BSN: variants seen among roughly 807,000 people sequenced by gnomAD.
The protein encoded by BSN is protein bassoon.
A neutral mutation model predicts 264.8 loss-of-function variants in BSN; 57 were observed. The observed-to-expected ratio is 0.22, with a 90% CI of 0.17 to 0.27. BSN has a LOEUF of 0.27. BSN is among the 10% of genes least tolerant of loss of function. BSN has a pLI of 1.00. For missense variants in BSN, 4,615 were observed against 5,232.5 expected, an observed-to-expected ratio of 0.88 and a Z score of 3.64; for synonymous variants, 2,059 against 2,137.3, an observed-to-expected ratio of 0.96 and a Z score of 1.01.
At chr3:49,589,553 C>G (rs2051961979) in intron 1 of BSN, among the ~76,000 whole-genome samples, 1 of 147,128 alleles carries the variant, frequency 6.8e-6, no homozygotes, top group Non-Finnish European at 1.5e-5. Context: ...GTCGCCCAGG[C>G]TGGAGTGCAG....
chr3:49,639,840 G>A (rs2052447028), intron 2 of BSN, among the ~76,000 whole-genome samples: 1 of 152,236 alleles, frequency 6.6e-6, no homozygotes, highest in African/African-American at 2.4e-5. Flanking sequence ...TCTCCTGTGA[G>A]GACAAAATGA....
rs1351626041 is a variant in BSN at position 49,662,834 on chromosome 3, C to G, written c.10718-42C>G. Reference sequence around the variant, plus strand: ...GCTTCAGCTAGGCCTCCCCCTGCGGCTAGCCCGGGGGTTGATGGTATTCTG... The same window carrying G: ...GCTTCAGCTAGGCCTCCCCCTGCGGGTAGCCCGGGGGTTGATGGTATTCTG... On this transcript the variant is annotated intron_variant, in intron 6 of 11. Transcript: ENST00000296452. 4.6e-6 allele frequency: 7 copies of G among 1,519,918 alleles called. No individual in the cohort carries two copies. The South Asian group carries it at 9.2e-5, about 20-fold the overall frequency. The allele number at this position is 1,519,918 out of a possible 1,614,324, so 94.2% of individuals were successfully genotyped here. A position where few individuals can be genotyped will look rare whatever the true frequency, so the allele number is the denominator to read the frequency against.
chr3:49,663,868 C>T lies in BSN; in HGVS notation c.11590C>T (p.Pro3864Ser). Reference sequence around the variant, plus strand: ...GAGGGCTCCTCAGGCCCAGCCAGCACCAGGACCTGGACCTGCAGGTGAGCC... The same window carrying T: ...GAGGGCTCCTCAGGCCCAGCCAGCATCAGGACCTGGACCTGCAGGTGAGCC... Reference protein sequence around the residue: ...QGRAPQAQPAPGPGPAGVKAG... With the variant: ...QGRAPQAQPASGPGPAGVKAG... Residue 3864 changes from proline to serine, a missense_variant, in exon 8 of 12, where the codon CCA (proline) becomes TCA (serine). Physicochemically the swap from Pro to Ser is moderately conservative, Grantham distance 74. Coordinates refer to ENST00000296452, the MANE Select transcript of BSN (RefSeq NM_003458.4). 2 of 1,613,960 alleles carry T rather than the reference C, an allele frequency of 1.2e-6. No individual in the cohort carries two copies. Among genetic ancestry groups the T allele is most frequent in the East Asian group, 2.2e-5 (1 of 44,886 alleles).
At position 49,657,221 on chromosome 3, in the gene BSN, G is replaced by A. The variant is rs759629877; in HGVS notation, c.7665G>A (p.Lys2555=). ...QWEASRSGIK[K]RHSMPRLRDA... is the part of the protein sequence containing the mutation. ...AGGCCAGCCGTAGTGGCATCAAGAA[G>A]CGGCACTCCATGCCACGCCTGCGGG... Residue 2555 remains lysine (K), a synonymous_variant, in exon 5 of 12, where the codon AAG becomes AAA. Coordinates refer to ENST00000296452, the MANE Select transcript of BSN (RefSeq NM_003458.4). 4.3e-6 allele frequency: 7 copies of A among 1,613,366 alleles called. No homozygotes were observed. The African/African-American group carries it at 6.7e-5, about 15-fold the overall frequency.
intron 2 of BSN, among the ~76,000 whole-genome samples, chr3:49,635,155 AC>A (rs2052411239): frequency 6.6e-6 from 1 of 152,084 alleles, no homozygotes; most frequent in Non-Finnish European, 1.5e-5. Flanking sequence ...CAAATCTAAG[AC>A]CCTGGCATGA....
chr3:49,602,895 C>G (rs2052083235), intron 1 of BSN, among the ~76,000 whole-genome samples: 1 of 152,248 alleles, frequency 6.6e-6, no homozygotes, highest in African/African-American at 2.4e-5. Context: ...CTTCTGCACA[C>G]TCTGCCCCTT....
intron 1 of BSN, among the ~76,000 whole-genome samples, chr3:49,563,288 G>T (rs1269385665): frequency 6.6e-6 from 1 of 152,180 alleles, no homozygotes; most frequent in Non-Finnish European, 1.5e-5. Flanking sequence ...CCTTGTGCTG[G>T]GTTGGTTGGC....
intron 1 of BSN, among the ~76,000 whole-genome samples, chr3:49,584,827 C>G (rs565378194): frequency 2.0e-5 from 3 of 152,308 alleles, no homozygotes; most frequent in Admixed American, 6.5e-5. Flanking sequence ...CTTCTCTTCT[C>G]CATGTTCATG....
chr3:49,579,328 T>C (rs2051875056), intron 1 of BSN, among the ~76,000 whole-genome samples: 1 of 152,016 alleles, frequency 6.6e-6, no homozygotes, highest in South Asian at 2.1e-4. Context: ...GATATTTCAT[T>C]GTATGGATGT....
intron 2 of BSN, among the ~76,000 whole-genome samples, chr3:49,641,089 G>T (rs1432079739): frequency 6.6e-6 from 1 of 152,172 alleles, no homozygotes; most frequent in Non-Finnish European, 1.5e-5. Flanking sequence ...AGGTGTGGTG[G>T]AAATCCACTT....
At chr3:49,636,046 G>A (rs1030847479) in intron 2 of BSN, among the ~76,000 whole-genome samples, 13 of 151,818 alleles carry the variant, frequency 8.6e-5, no homozygotes, top group South Asian at 2.1e-4. Flanking sequence ...ATTAACTAGA[G>A]TTCAGTATTT....
At chr3:49,588,331 G>C (rs1364589750) in intron 1 of BSN, among the ~76,000 whole-genome samples, 6 of 152,146 alleles carry the variant, frequency 3.9e-5, no homozygotes, top group Admixed American at 2.6e-4. Context: ...AGTGATGACA[G>C]TGGGCATCCT....
intron 1 of BSN, among the ~76,000 whole-genome samples, chr3:49,584,783 C>T (rs999558584): frequency 3.3e-5 from 5 of 151,990 alleles, no homozygotes; most frequent in African/African-American, 1.2e-4. Context: ...TTCCACCACC[C>T]TCCCACTACC....
At chr3:49,604,253 T>G (rs937216080) in intron 1 of BSN, among the ~76,000 whole-genome samples, 1 of 152,080 alleles carries the variant, frequency 6.6e-6, no homozygotes, top group African/African-American at 2.4e-5. Flanking sequence ...CATTTTTAGG[T>G]GTACAGTTCA....
intron 1 of BSN, among the ~76,000 whole-genome samples, chr3:49,607,018 C>A (rs1285724187): frequency 3.9e-5 from 6 of 152,166 alleles, no homozygotes; most frequent in African/African-American, 1.2e-4. Flanking sequence ...TCCTTACTCC[C>A]TCAGCAGGGC....
At position 49,660,194 on chromosome 3, in the gene BSN, T is replaced by G. The variant is rs2052641566; in HGVS notation, c.8641-292T>G. Among the ~76,000 whole-genome samples the G allele has an allele frequency of 6.6e-6, 1 of 152,210 alleles. No individual in the cohort carries two copies. The highest frequency in any genetic ancestry group is 2.1e-4 in the South Asian group (1 of 4,834). On this transcript the variant is annotated intron_variant, in intron 5 of 11. Coordinates refer to ENST00000296452, the MANE Select transcript of BSN (RefSeq NM_003458.4). This position sits in a 1 kb window ranked among gnomAD's most constrained non-coding sequence, Gnocchi z 7.1. ...ATGTGCAGGGGTTCTCAAAGCCATGTGCTGGGCCAGTACAGGACATTGGCA... is the reference window on the plus strand; with the variant it reads ...ATGTGCAGGGGTTCTCAAAGCCATGGGCTGGGCCAGTACAGGACATTGGCA...
chr3:49,610,362 C>T (rs1288436528), intron 1 of BSN, among the ~76,000 whole-genome samples: 2 of 152,016 alleles, frequency 1.3e-5, no homozygotes, highest in Non-Finnish European at 2.9e-5. Flanking sequence ...GCGGGTGGAT[C>T]ACCTGAGATC....
In BSN at chr3:49,638,325, G is replaced by T. The variant is rs2052434962; in HGVS notation, c.634-3943G>T. Among the ~76,000 whole-genome samples the T allele has an allele frequency of 6.6e-6, 1 of 152,096 alleles. No individual in the cohort carries two copies. The highest frequency in any genetic ancestry group is 2.4e-5 in the African/African-American group (1 of 41,510). ...AGGCTGGGTGGGCGGGTGGGTTGGGGTGCACAGCCATCATCTCTCTCCCTA... is the reference window on the plus strand; with the variant it reads ...AGGCTGGGTGGGCGGGTGGGTTGGGTTGCACAGCCATCATCTCTCTCCCTA... On this transcript the variant is annotated intron_variant, in intron 2 of 11. Transcript: ENST00000296452. The surrounding 1 kb of genome is among the most constrained non-coding windows in gnomAD (Gnocchi z 4.3).
At chr3:49,672,880 C>T (rs1389579093), downstream of BSN, among the ~76,000 whole-genome samples, 2 of 143,514 alleles carry the variant, frequency 1.4e-5, no homozygotes, top group African/African-American at 5.2e-5. Flanking sequence ...CCCGGGTTCA[C>T]ACCATTCTCC....
Sources: allele counts gnomAD v4.1 joint callset (sites outside exome capture counted in the v4.1 genomes callset), GRCh38; gene constraint gnomAD v4.1.1; non-coding constraint Gnocchi (gnomAD v3.1); transcripts MANE v1.5; gene names NCBI Gene and HGNC (gene_info 2026-07-23, HGNC 2026-07-21).